The following CD38 variants were observed in gnomAD, a reference collection of about 807,000 sequenced individuals.
The protein encoded by CD38 is CD38 molecule.
In CD38, 31 loss-of-function variants were observed where a neutral mutation model predicts 36.3. The observed-to-expected ratio is 0.85, with a 90% CI of 0.64 to 1.15. CD38 has a LOEUF of 1.15. Among genes scored for constraint, CD38 ranks in the 50% most tolerant of loss-of-function variants. The probability of loss-of-function intolerance (pLI) is 0.00; values close to 1 mark genes in which losing one functional copy is unlikely to be tolerated. For synonymous variants in CD38, 131 were observed against 135.2 expected, an observed-to-expected ratio of 0.97 and a Z score of 0.22; for missense variants, 380 against 371.9, an observed-to-expected ratio of 1.02 and a Z score of -0.18.
At chr4:15,835,641 G>C (rs1184697812) in intron 4 of CD38, among the ~76,000 whole-genome samples, 1 of 150,970 alleles carries the variant, frequency 6.6e-6, no homozygotes, top group African/African-American at 2.4e-5. Context: ...GCCTCCCAAG[G>C]TGCTAAGACT....
chr4:15,789,319 A>G (rs1334114248), intron 1 of CD38, among the ~76,000 whole-genome samples: 1 of 152,220 alleles, frequency 6.6e-6, no homozygotes, highest in East Asian at 1.9e-4. Flanking sequence ...AGAAAAATAC[A>G]TAGTATGGCA....
At chr4:15,782,706 T>G (rs1368049005) in intron 1 of CD38, among the ~76,000 whole-genome samples, 1 of 152,198 alleles carries the variant, frequency 6.6e-6, no homozygotes, top group Non-Finnish European at 1.5e-5. Context: ...GCATAGAAAC[T>G]GTTAATTTTT....
At chr4:15,780,720 T>C (rs1722679187) in intron 1 of CD38, among the ~76,000 whole-genome samples, 2 of 152,158 alleles carry the variant, frequency 1.3e-5, no homozygotes, top group African/African-American at 4.8e-5. Flanking sequence ...ACCCAACAAA[T>C]CCTGGCATGG....
intron 4 of CD38, among the ~76,000 whole-genome samples, chr4:15,835,361 TA>T (rs1724046256): frequency 7.9e-6 from 1 of 126,208 alleles, no homozygotes; most frequent in South Asian, 2.6e-4. Flanking sequence ...ATGACAGGAA[TA>T]CTTTTTTTTT....
chr4:15,789,788 C>A (rs941557621), intron 1 of CD38, among the ~76,000 whole-genome samples: 1 of 150,972 alleles, frequency 6.6e-6, no homozygotes, highest in Admixed American at 6.6e-5. Flanking sequence ...CCCTCCTCAC[C>A]GTGTGATGCC....
intron 2 of CD38, among the ~76,000 whole-genome samples, chr4:15,823,853 A>G (rs150450049): frequency 6.6e-6 from 1 of 152,206 alleles, no homozygotes; most frequent in East Asian, 1.9e-4. Flanking sequence ...ATGTGCATGC[A>G]TATGTTCATT....
chr4:15,780,934 C>T (rs1722682405), intron 1 of CD38, among the ~76,000 whole-genome samples: 2 of 152,104 alleles, frequency 1.3e-5, no homozygotes, highest in Non-Finnish European at 2.9e-5. Flanking sequence ...CATGCTGAAA[C>T]TCCGTCTCTA....
intron 1 of CD38, among the ~76,000 whole-genome samples, chr4:15,790,904 C>T (rs1431003388): frequency 2.0e-5 from 3 of 150,442 alleles, no homozygotes; most frequent in African/African-American, 7.4e-5. Flanking sequence ...TCTGCCCGGC[C>T]GCCCCGTCTG....
intron 4 of CD38, among the ~76,000 whole-genome samples, chr4:15,837,410 A>G (rs1724092945): frequency 1.3e-5 from 2 of 152,108 alleles, no homozygotes; most frequent in South Asian, 2.1e-4. Context: ...CAGTTGGATA[A>G]TGTGGAGGGA....
chr4:15,785,354 C>A (rs1722792207), intron 1 of CD38, among the ~76,000 whole-genome samples: 1 of 152,122 alleles, frequency 6.6e-6, no homozygotes, highest in Admixed American at 6.6e-5. Context: ...TGGGAAACAA[C>A]AGATATCAGG....
intron 4 of CD38, among the ~76,000 whole-genome samples, chr4:15,837,096 T>C (rs541098609): frequency 4.6e-5 from 7 of 152,342 alleles, no homozygotes; most frequent in South Asian, 2.1e-4. Context: ...CACTACTCTA[T>C]GGTATGTTTT....
intron 3 of CD38, among the ~76,000 whole-genome samples, chr4:15,826,977 T>C (rs1428460706): frequency 2.0e-5 from 3 of 152,180 alleles, no homozygotes; most frequent in Non-Finnish European, 4.4e-5. Context: ...GTATGCGGTA[T>C]CTATTATTTT....
chr4:15,778,653 T>C lies in CD38; in HGVS notation c.233+6T>C, dbSNP rs780052416. On this transcript the variant is annotated splice_donor_region_variant and intron_variant, in intron 1 of 7. Transcript: ENST00000226279. The surrounding 1 kb of genome is among the most constrained non-coding windows in gnomAD (Gnocchi z 4.9). ...GAAATTCATCCTGAGATGAGGTGGGTTGGCGACTAAGGCGCACCGGTGGGC... is the reference window on the plus strand; with the variant it reads ...GAAATTCATCCTGAGATGAGGTGGGCTGGCGACTAAGGCGCACCGGTGGGC... The C allele has an allele frequency of 2.4e-5, 38 of 1,597,318 alleles. No individual in the cohort carries two copies. The Middle Eastern group carries it at 8.3e-4, about 35-fold the overall frequency.
At chr4:15,798,650 A>C (rs962934976) in intron 1 of CD38, among the ~76,000 whole-genome samples, 2 of 152,220 alleles carry the variant, frequency 1.3e-5, no homozygotes, top group Non-Finnish European at 2.9e-5. Context: ...GCCACGTTGC[A>C]TATGGCCAAA....
chr4:15,819,193 G>C (rs755154785), intron 2 of CD38, among the ~76,000 whole-genome samples: 1 of 152,176 alleles, frequency 6.6e-6, no homozygotes, highest in Non-Finnish European at 1.5e-5. Context: ...TCAGGGGTGG[G>C]TGCTAGGGGA....
At chr4:15,818,597 G>A (rs373756732) in intron 2 of CD38, among the ~76,000 whole-genome samples, 6 of 152,308 alleles carry the variant, frequency 3.9e-5, no homozygotes, top group African/African-American at 1.4e-4. Flanking sequence ...ACCTCATACA[G>A]GAGAGCTCCG....
At chr4:15,807,371 T>C (rs1297998037) in intron 1 of CD38, among the ~76,000 whole-genome samples, 36 of 152,202 alleles carry the variant, frequency 2.4e-4, no homozygotes, top group Non-Finnish European at 2.9e-5. Flanking sequence ...AAAAGGATGT[T>C]TGGCTATTAC....
Position 15,778,399 on chromosome 4 carries a change from C to T in CD38, c.-16C>T, listed in dbSNP as rs1357649383. 1 of 1,596,976 alleles carries T rather than the reference C, an allele frequency of 6.3e-7. No homozygotes were observed. ...GCCGGCCTCATCTTCGCCCAGCCAA[C>T]CCCGCCTGGAGCCCTATGGCCAACT... On this transcript the variant is annotated 5_prime_UTR_variant, in exon 1 of 8. Coordinates refer to ENST00000226279, the MANE Select transcript of CD38 (RefSeq NM_001775.4). The surrounding 1 kb of genome is among the most constrained non-coding windows in gnomAD (Gnocchi z 4.9).
Position 15,824,586 on chromosome 4 carries a change from T to C in CD38, c.364-295T>C, listed in dbSNP as rs575189629. On this transcript the variant is annotated intron_variant, in intron 2 of 7. Coordinates refer to ENST00000226279, the MANE Select transcript of CD38 (RefSeq NM_001775.4). ...GTAACTCTCTGATGCCACCTCCATATGTGATCCTATGTTGATTATAAGATT... is the reference window on the plus strand; with the variant it reads ...GTAACTCTCTGATGCCACCTCCATACGTGATCCTATGTTGATTATAAGATT... 3.9e-5 allele frequency among the ~76,000 whole-genome samples: 6 copies of C among 152,218 alleles called. No individual in the cohort carries two copies. The East Asian group carries it at 1.2e-3, about 29-fold the overall frequency.
Sources: gnomAD v4.1 joint callset for allele counts (sites outside exome capture counted in the v4.1 genomes callset) on GRCh38, gnomAD v4.1.1 for gene constraint, Gnocchi (gnomAD v3.1) non-coding constraint, MANE v1.5 for transcripts, NCBI Gene and HGNC (gene_info 2026-07-23, HGNC 2026-07-21) for gene names.